UNC13A: variants seen among roughly 807,000 people sequenced by gnomAD.
The protein encoded by UNC13A is protein unc-13 homolog A.
In UNC13A, 61 loss-of-function variants were observed where a neutral mutation model predicts 219.7. That is an observed-to-expected ratio of 0.28 (90% CI 0.23 to 0.34). UNC13A has a LOEUF of 0.34. Ranked by LOEUF, UNC13A falls within the 10% of genes least tolerant of loss-of-function variation. UNC13A has a pLI of 1.00. For missense variants in UNC13A, 1,476 were observed against 2,270.3 expected (o/e 0.65, Z 7.11); for synonymous variants, 920 against 884.6 (o/e 1.04, Z -0.71).
intron 5 of UNC13A, among the ~76,000 whole-genome samples, chr19:17,668,780 C>T (rs550265494): frequency 6.6e-5 from 10 of 151,822 alleles, no homozygotes; most frequent in South Asian, 2.1e-4. Context: ...TGAGCCACCA[C>T]GCCCAGCCCA....
chr19:17,687,642 T>G (rs1230375511), intron 1 of UNC13A, among the ~76,000 whole-genome samples: 1 of 151,974 alleles, frequency 6.6e-6, no homozygotes, highest in Non-Finnish European at 1.5e-5. Context: ...GTCCTAGAAC[T>G]CGTGGATGCC....
At position 17,656,314 on chromosome 19, in the gene UNC13A, C is replaced by T. The variant is rs768640284; in HGVS notation, c.852G>A (p.Glu284=). 7.7e-6 allele frequency: 12 copies of T among 1,555,578 alleles called. No individual in the cohort carries two copies. The highest frequency in any genetic ancestry group is 1.0e-5 in the Non-Finnish European group (12 of 1,149,672). ...SQLSEDFDPD[E]HSLQGSDMED... ...CCATGTCGGAGCCCTGCAGGCTGTG[C>T]TCGTCAGGGTCGAAGTCCTCGCTCA... Residue 284 remains glutamate, a synonymous_variant, in exon 10 of 44, where the codon GAG becomes GAA. Coordinates refer to ENST00000519716, the MANE Select transcript of UNC13A (RefSeq NM_001080421.3).
At chr19:17,609,844 C>T in intron 43 of UNC13A, 96 bp downstream of exon 43, 1 of 1,556,702 alleles carries the variant, frequency 6.4e-7, no homozygotes, top group Non-Finnish European at 8.7e-7. Flanking sequence ...TTCCCGGGCC[C>T]AGATTCCAGA....
chr19:17,628,296 G>A, intron 31 of UNC13A: 2 of 298,552 alleles, frequency 6.7e-6, no homozygotes, highest in Non-Finnish European at 6.4e-6. Flanking sequence ...CAGCCAGACA[G>A]TGACACACTG....
rs187694696 is a variant in UNC13A, at chr19:17,669,537, G to C, written c.394+16C>G. On this transcript the variant is annotated intron_variant, in intron 5 of 43. Transcript: ENST00000519716. Reference sequence around the variant, plus strand: ...GGGGCTGGGGCTGGGTGAAGGTCCCGGGCCCCTGTACTCACCTAAGGGTAG... The same window carrying C: ...GGGGCTGGGGCTGGGTGAAGGTCCCCGGCCCCTGTACTCACCTAAGGGTAG... 1.9e-6 allele frequency: 3 copies of C among 1,611,382 alleles called. No individual in the cohort carries two copies. Among genetic ancestry groups the C allele is most frequent in the East Asian group, 4.5e-5 (2 of 44,808 alleles).
chr19:17,643,530 G>A (rs2076993120), intron 19 of UNC13A, among the ~76,000 whole-genome samples: 1 of 151,994 alleles, frequency 6.6e-6, no homozygotes. Context: ...TGTTGGCCAG[G>A]CTGGTCTCGA....
intron 26 of UNC13A, among the ~76,000 whole-genome samples, chr19:17,634,587 G>T (rs1462153628): frequency 6.6e-6 from 1 of 152,030 alleles, no homozygotes; most frequent in Non-Finnish European, 1.5e-5. Flanking sequence ...TGATCCTCCC[G>T]CCTCGGCCTC....
chr19:17,669,512 G>A, intron 5 of UNC13A, 41 bp downstream of exon 5: 1 of 1,602,988 alleles, frequency 6.2e-7, no homozygotes, highest in Non-Finnish European at 8.5e-7. Context: ...GTCCACAACT[G>A]GGGCTGGGGC....
chr19:17,641,290 TC>T, intron 21 of UNC13A, 102 bp downstream of exon 21: 8 of 1,464,618 alleles, frequency 5.5e-6, no homozygotes, highest in Non-Finnish European at 6.5e-6. Flanking sequence ...CACGCCCACT[TC>T]CTCTCTGGGT....
Position 17,669,742 on chromosome 19 carries a change from C to G in UNC13A, c.271-66G>C, listed in dbSNP as rs2079742126. The G allele has an allele frequency of 2.0e-6, 3 of 1,522,464 alleles. No individual in the cohort carries two copies. In the East Asian group the frequency reaches 7.3e-5, roughly 37 times the overall value. The allele number at this position is 1,522,464 out of a possible 1,614,324, so 94.3% of individuals were successfully genotyped here. A position where few individuals can be genotyped will look rare whatever the true frequency, so the allele number is the denominator to read the frequency against. ...TGGTCACTAGTCCCCAGGGCCCCTA[C>G]TCTCGCATGAGACATCCCCCTCACC... On this transcript the variant is annotated intron_variant, in intron 4 of 43. Transcript: ENST00000519716.
chr19:17,656,852 CAAAAAAAAAAAAA>C (rs59091574), intron 9 of UNC13A, among the ~76,000 whole-genome samples: 4 of 102,166 alleles, frequency 3.9e-5, no homozygotes, highest in African/African-American at 1.5e-4. Context: ...AATTCCGTCT[CAAAAAAAAAAAAA>C]AAAAAAAAAA....
At chr19:17,619,472 G>C (rs56359881) in intron 38 of UNC13A, among the ~76,000 whole-genome samples, 43,081 of 145,818 alleles carry the variant, frequency 0.3, 7,078 homozygotes, top group Middle Eastern at 0.37. Flanking sequence ...GTCTCCCTCT[G>C]TTGCCCAGGC....
chr19:17,618,774 TAG>T, intron 39 of UNC13A, 130 bp downstream of exon 39: 1 of 895,978 alleles, frequency 1.1e-6, no homozygotes, highest in Non-Finnish European at 1.8e-6. Context: ...CTTCAGTGAG[TAG>T]AGTTTCTGTC....
intron 3 of UNC13A, among the ~76,000 whole-genome samples, chr19:17,673,936 G>A (rs553164178): frequency 6.6e-6 from 1 of 151,214 alleles, no homozygotes; most frequent in Non-Finnish European, 1.5e-5. Flanking sequence ...ACTTGAACCT[G>A]GGAGGTGGAG....
intron 31 of UNC13A, among the ~76,000 whole-genome samples, chr19:17,628,656 C>G (rs541749082): frequency 3.6e-4 from 55 of 152,262 alleles, no homozygotes; most frequent in African/African-American, 1.3e-3. Flanking sequence ...CACACATACT[C>G]ACACATACAT....
Position 17,649,620 on chromosome 19 carries a change from A to T in UNC13A, c.1440-33T>A. On this transcript the variant is annotated intron_variant, in intron 12 of 43. Coordinates refer to ENST00000519716, the MANE Select transcript of UNC13A (RefSeq NM_001080421.3). The surrounding 1 kb of genome is among the most constrained non-coding windows in gnomAD (Gnocchi z 4.4). ...ACACAGAGGGACACTGAGGGCCCAGATGTCCCTATTCCTCACATAGAGCCC... is the reference window on the plus strand; with the variant it reads ...ACACAGAGGGACACTGAGGGCCCAGTTGTCCCTATTCCTCACATAGAGCCC... 1 of 1,610,730 alleles carries T rather than the reference A, an allele frequency of 6.2e-7. No individual in the cohort carries two copies. The highest frequency in any genetic ancestry group is 8.5e-7 in the Non-Finnish European group (1 of 1,177,124).
Position 17,648,557 on chromosome 19 carries a change from G to C in UNC13A, c.1690C>G (p.Pro564Ala). Residue 564 changes from proline (P) to alanine (A), a missense_variant, in exon 16 of 44, where the codon CCC becomes GCC. Physicochemically the swap from Pro to Ala is conservative, Grantham distance 27 (BLOSUM62 -1). Transcript: ENST00000519716. ...HNFEVWTATT[P>A]TYCYECEGLL... ...CCCTCGCACTCGTAGCAGTAGGTGGGCGTGGTGGCCGTCCACACTTCGAAG... is the reference window on the plus strand; with the variant it reads ...CCCTCGCACTCGTAGCAGTAGGTGGCCGTGGTGGCCGTCCACACTTCGAAG... 1 of 1,614,116 alleles carries C rather than the reference G, an allele frequency of 6.2e-7. No individual in the cohort carries two copies. The highest frequency in any genetic ancestry group is 8.5e-7 in the Non-Finnish European group (1 of 1,180,018).
At chr19:17,642,623 A>G (rs1184659359) in intron 20 of UNC13A, among the ~76,000 whole-genome samples, 1 of 152,212 alleles carries the variant, frequency 6.6e-6, no homozygotes, top group African/African-American at 2.4e-5. Context: ...GATGATGAGT[A>G]GTGAGAGTCA....
intron 26 of UNC13A, among the ~76,000 whole-genome samples, chr19:17,635,790 CATACAAA>C (rs2076907334): frequency 6.6e-6 from 1 of 152,146 alleles, no homozygotes; most frequent in South Asian, 2.1e-4. Flanking sequence ...CAAATGAATA[CATACAAA>C]ATACATGTCT....
Sources: gnomAD v4.1 joint callset for allele counts (sites outside exome capture counted in the v4.1 genomes callset) on GRCh38, gnomAD v4.1.1 for gene constraint, Gnocchi (gnomAD v3.1) non-coding constraint, MANE v1.5 for transcripts, NCBI Gene and HGNC (gene_info 2026-07-23, HGNC 2026-07-21) for gene names.